Variants in SLC8A1 observed in about 807,000 individuals in gnomAD.
SLC8A1 encodes the protein sodium/calcium exchanger 1.
In SLC8A1, 18 loss-of-function variants were observed where a neutral mutation model predicts 68.3. That is an observed-to-expected ratio of 0.26 (90% confidence interval 0.18 to 0.39). SLC8A1 has a LOEUF of 0.39. SLC8A1 is among the 10% of genes least tolerant of loss of function. The pLI is 1.00. For synonymous variants in SLC8A1, 475 were observed against 415.5 expected, an observed-to-expected ratio of 1.14 and a Z score of -1.74; for missense variants, 985 against 1,156.7, an observed-to-expected ratio of 0.85 and a Z score of 2.15.
At chr2:40,118,749 A>G (rs1290894582) in intron 7 of SLC8A1, among the ~76,000 whole-genome samples, 1 of 151,336 alleles carries the variant, frequency 6.6e-6, no homozygotes, top group African/African-American at 2.4e-5. Flanking sequence ...CTAAGCTGAA[A>G]TGGCTGGTAG....
chr2:40,258,631 A>C (rs2064266210), intron 2 of SLC8A1, among the ~76,000 whole-genome samples: 2 of 152,174 alleles, frequency 1.3e-5, no homozygotes, highest in Admixed American at 1.3e-4. Flanking sequence ...ACTTGAAGCC[A>C]GGAGTTTGAG....
At chr2:40,304,887 C>A (rs931782538) in intron 2 of SLC8A1, among the ~76,000 whole-genome samples, 3 of 152,084 alleles carry the variant, frequency 2.0e-5, no homozygotes, top group African/African-American at 7.2e-5. Flanking sequence ...GTCAGGTGAA[C>A]ATGGACTTCC....
chr2:40,472,049 G>A (rs2042016), intron 1 of SLC8A1, among the ~76,000 whole-genome samples: 89,133 of 151,974 alleles, frequency 0.59, 26,419 homozygotes, highest in Middle Eastern at 0.62. Context: ...TGTCTGAACC[G>A]GGGGAATTGT....
chr2:40,144,777 A>G (rs966777955), intron 6 of SLC8A1, among the ~76,000 whole-genome samples: 6 of 151,948 alleles, frequency 3.9e-5, no homozygotes, highest in African/African-American at 9.7e-5. Context: ...TGGAACCTCT[A>G]TTTTTTTCTA....
chr2:40,323,711 A>C (rs2075479371), intron 2 of SLC8A1, among the ~76,000 whole-genome samples: 1 of 152,094 alleles, frequency 6.6e-6, no homozygotes, highest in Non-Finnish European at 1.5e-5. Context: ...AACAAAAACA[A>C]ACCCTCCTAC....
At chr2:40,266,382 C>T (rs1028712211) in intron 2 of SLC8A1, among the ~76,000 whole-genome samples, 2 of 152,030 alleles carry the variant, frequency 1.3e-5, no homozygotes, top group African/African-American at 4.8e-5. Flanking sequence ...TTAGGGCCCA[C>T]AATAATTTGA....
At chr2:40,135,599 T>A (rs530298918) in intron 7 of SLC8A1, among the ~76,000 whole-genome samples, 3 of 152,118 alleles carry the variant, frequency 2.0e-5, no homozygotes, top group Non-Finnish European at 4.4e-5. Flanking sequence ...GTGCCTGTAG[T>A]CCCAGCTACT....
intron 7 of SLC8A1, among the ~76,000 whole-genome samples, chr2:40,138,131 T>C (rs1364148630): frequency 1.3e-5 from 2 of 152,168 alleles, no homozygotes; most frequent in African/African-American, 2.4e-5. Flanking sequence ...ATGTTAAGTA[T>C]GATTATCCCT....
intron 2 of SLC8A1, among the ~76,000 whole-genome samples, chr2:40,242,178 A>G (rs1489716515): frequency 6.6e-6 from 1 of 152,000 alleles, no homozygotes; most frequent in Non-Finnish European, 1.5e-5. Context: ...GACAGAGAAT[A>G]TGAATATGAA....
At chr2:40,174,312 A>G (rs1443846471) in intron 4 of SLC8A1, among the ~76,000 whole-genome samples, 12 of 152,114 alleles carry the variant, frequency 7.9e-5, no homozygotes, top group Admixed American at 7.2e-4. Context: ...GTATTTTCTC[A>G]ATATGGCATT....
chr2:40,332,425 G>C (rs992975745), intron 2 of SLC8A1, among the ~76,000 whole-genome samples: 1 of 148,164 alleles, frequency 6.7e-6, no homozygotes, highest in African/African-American at 2.4e-5. Context: ...TGTGTGTGGG[G>C]GGAGGACGGG....
chr2:40,425,525 G>A (rs1015933043), intron 2 of SLC8A1, among the ~76,000 whole-genome samples: 2 of 151,786 alleles, frequency 1.3e-5, no homozygotes, highest in African/African-American at 4.8e-5. Context: ...GCTCTGGAAA[G>A]AATAATAAAG....
At chr2:40,216,721 T>G (rs528375169) in intron 2 of SLC8A1, among the ~76,000 whole-genome samples, 1 of 152,356 alleles carries the variant, frequency 6.6e-6, no homozygotes, top group East Asian at 1.9e-4. Flanking sequence ...GGAATCTCAC[T>G]GTGGTTTTGA....
chr2:40,503,093 T>G (rs558981374), intron 1 of SLC8A1, among the ~76,000 whole-genome samples: 19 of 152,192 alleles, frequency 1.2e-4, no homozygotes, highest in African/African-American at 4.6e-4. Context: ...TGAAAATTCC[T>G]TGAGCTGCAT....
At chr2:40,444,830 T>C (rs1701137147) in intron 1 of SLC8A1, among the ~76,000 whole-genome samples, 2 of 152,222 alleles carry the variant, frequency 1.3e-5, no homozygotes, top group Non-Finnish European at 2.9e-5. Context: ...CCAGAGTTGA[T>C]AAATTATGAC....
chr2:40,428,940 C>A, exon 2 of SLC8A1: 1 of 1,613,838 alleles, frequency 6.2e-7, no homozygotes. Context: ...CTGTGCCATC[C>A]TCTGTTCTGA....
At chr2:40,384,507 T>G (rs1319762513) in intron 2 of SLC8A1, among the ~76,000 whole-genome samples, 1 of 152,048 alleles carries the variant, frequency 6.6e-6, no homozygotes, top group Non-Finnish European at 1.5e-5. Flanking sequence ...AACATCATCA[T>G]CATTCAAAAA....
At chr2:40,151,484 A>G (rs2043417268) in intron 6 of SLC8A1, among the ~76,000 whole-genome samples, 1 of 152,168 alleles carries the variant, frequency 6.6e-6, no homozygotes, top group African/African-American at 2.4e-5. Context: ...AACAGGGCAG[A>G]TTTGCGGTTG....
chr2:40,270,561 C>T (rs1001540522), intron 2 of SLC8A1, among the ~76,000 whole-genome samples: 9 of 152,212 alleles, frequency 5.9e-5, no homozygotes, highest in Non-Finnish European at 8.8e-5. Context: ...TCTGACTGTC[C>T]TTCCATAGTT....
Sources: allele counts gnomAD v4.1 joint callset (sites outside exome capture counted in the v4.1 genomes callset), GRCh38; gene constraint gnomAD v4.1.1; transcripts MANE v1.5; gene names NCBI Gene and HGNC (gene_info 2026-07-23, HGNC 2026-07-21).